AREG: variants seen among roughly 807,000 people sequenced by gnomAD.
AREG encodes amphiregulin.
In AREG, 16 loss-of-function variants were observed where a neutral mutation model predicts 28.0. The observed-to-expected ratio is 0.57, with a 90% confidence interval of 0.39 to 0.87. The LOEUF is 0.87. Among genes scored for constraint, AREG ranks in the 40% least tolerant of loss-of-function variants. AREG has a pLI of 0.00. For synonymous variants in AREG, 113 were observed against 113.5 expected (o/e 1.00, Z 0.02); for missense variants, 287 against 309.1 (o/e 0.93, Z 0.53).
chr4:74,452,534 T>TTC lies in AREG; in HGVS notation c.666-6_666-5dup. 6.2e-7 allele frequency: 1 copy of TTC among 1,613,396 alleles called. No individual in the cohort carries two copies. Among genetic ancestry groups the TTC allele is most frequent in the Non-Finnish European group, 8.5e-7 (1 of 1,179,612 alleles). On this transcript the variant is annotated splice_polypyrimidine_tract_variant and intron_variant, in intron 4 of 5. Coordinates refer to ENST00000395748, the MANE Select transcript of AREG (RefSeq NM_001657.4). ...ACCTTGATAACATTAGAATGCCTTG[T>TTC]TCTCTGAAGGCTTAGAAGACAATAC...
At chr4:74,447,628 A>C (rs1719314734) in intron 2 of AREG, among the ~76,000 whole-genome samples, 2 of 152,196 alleles carry the variant, frequency 1.3e-5, no homozygotes, top group African/African-American at 4.8e-5. Context: ...AAATATCCTA[A>C]GAGCATCCAC....
chr4:74,445,217 A>G lies in AREG; in HGVS notation c.-129A>G. 1 of 1,520,398 alleles carries G rather than the reference A, an allele frequency of 6.6e-7. No individual in the cohort carries two copies. The highest frequency in any genetic ancestry group is 8.9e-7 in the Non-Finnish European group (1 of 1,129,450). The allele number at this position is 1,520,398 out of a possible 1,614,324, so 94.2% of individuals were successfully genotyped here. On this transcript the variant is annotated 5_prime_UTR_variant, in exon 1 of 6. Transcript: ENST00000395748. ...CCGCGCCCGCCGCCCCGAGCTCCCC[A>G]AGCCTTCGAGAGCGGCGCACACTCC...
Position 74,445,304 on chromosome 4 carries a change from G to A in AREG, c.-42G>A. On this transcript the variant is annotated 5_prime_UTR_variant, in exon 1 of 6. Coordinates refer to ENST00000395748, the MANE Select transcript of AREG (RefSeq NM_001657.4). ...GGCGGCAGCTCGTGTCCCAGAGACC[G>A]AGTTGCCCCAGAGACCGAGACGCCG... 4 of 1,599,594 alleles carry A rather than the reference G, an allele frequency of 2.5e-6. No homozygotes were observed. Among genetic ancestry groups the A allele is most frequent in the South Asian group, 1.1e-5 (1 of 88,722 alleles).
At chr4:74,449,909 TC>T (rs1719353817) in intron 3 of AREG, among the ~76,000 whole-genome samples, 3 of 139,950 alleles carry the variant, frequency 2.1e-5, no homozygotes, top group Non-Finnish European at 4.7e-5. Flanking sequence ...CTGCTTGCTC[TC>T]TCTCTCTCTC....
At chr4:74,452,508 A>T (rs925585845) in intron 4 of AREG, 36 bp from the exon 5 acceptor site, 1 of 1,612,480 alleles carries the variant, frequency 6.2e-7, no homozygotes, top group African/African-American at 1.3e-5. Flanking sequence ...AGATGAATAG[A>T]ACCTTGATAA....
In AREG at chr4:74,445,244, G is replaced by A. The variant is rs1719248936; in HGVS notation, c.-102G>A. On this transcript the variant is annotated 5_prime_UTR_variant, in exon 1 of 6. Coordinates refer to ENST00000395748, the MANE Select transcript of AREG (RefSeq NM_001657.4). ...GCCTTCGAGAGCGGCGCACACTCCC[G>A]GTCTCCACTCGCTCTTCCAACACCC... The A allele has an allele frequency of 1.9e-6, 3 of 1,547,840 alleles. No individual in the cohort carries two copies. The highest frequency in any genetic ancestry group is 1.4e-5 in the African/African-American group (1 of 73,208).
chr4:74,448,718 C>A, intron 2 of AREG: 2 of 237,082 alleles, frequency 8.4e-6, no homozygotes, highest in East Asian at 7.7e-5. Flanking sequence ...TGGAAATTAT[C>A]AATTTGATTA....
At chr4:74,447,016 T>G (rs1286295604) in intron 2 of AREG, among the ~76,000 whole-genome samples, 4 of 152,210 alleles carry the variant, frequency 2.6e-5, no homozygotes, top group Non-Finnish European at 5.9e-5. Context: ...ACAATGACTT[T>G]AAGTAGGAAT....
At chr4:74,448,835 A>G (rs1719333710) in intron 2 of AREG, 1 of 613,404 alleles carries the variant, frequency 1.6e-6, no homozygotes. Flanking sequence ...TCCCAACTAT[A>G]ATCATGAGTG....
At position 74,446,739 on chromosome 4, in the gene AREG, C is replaced by G; in HGVS notation, c.267C>G (p.Asn89Lys). Residue 89 changes from asparagine to lysine, a missense_variant, in exon 2 of 6, where the codon AAC (asparagine) becomes AAG (lysine). Transcript: ENST00000395748. ...ADYDYSEEYDNEPQIPGYIVD... is the reference protein window; with the variant it reads ...ADYDYSEEYDKEPQIPGYIVD... ...ATGACTACTCAGAAGAGTATGATAA[C>G]GAACCACAAATACCTGGCTATATTG... 1.2e-6 allele frequency: 2 copies of G among 1,613,930 alleles called. No individual in the cohort carries two copies. The highest frequency in any genetic ancestry group is 1.7e-6 in the Non-Finnish European group (2 of 1,179,874).
chr4:74,449,380 G>A (rs1719344472), intron 3 of AREG, 132 bp downstream of exon 3: 2 of 1,488,106 alleles, frequency 1.3e-6, no homozygotes, highest in Non-Finnish European at 1.8e-6. Context: ...GCACCAGATA[G>A]TAAATATTAT....
intron 5 of AREG, among the ~76,000 whole-genome samples, chr4:74,453,272 A>AGGGCAT (rs1352509348): frequency 5.9e-5 from 9 of 152,196 alleles, no homozygotes; most frequent in Admixed American, 6.5e-5. Context: ...TGATAATGTG[A>AGGGCAT]GGGCATGGAG....
chr4:74,450,336 G>A (rs770904635), intron 3 of AREG, 44 bp from the exon 4 acceptor site: 42 of 1,613,626 alleles, frequency 2.6e-5, no homozygotes, highest in East Asian at 1.3e-4. Flanking sequence ...AAAACACACC[G>A]CACGTTTTTG....
chr4:74,451,999 G>T (rs1268298137), intron 4 of AREG, among the ~76,000 whole-genome samples: 10 of 151,954 alleles, frequency 6.6e-5, no homozygotes, highest in African/African-American at 2.4e-4. Context: ...AATGTTTTGT[G>T]GTGGGTTAAA....
Position 74,450,406 on chromosome 4 carries a change from G to T in AREG, c.539G>T (p.Arg180Leu). ...CKCQQEYFGE[R>L]CGEKSMKTHS... The stretch of plus-strand genomic sequence containing the variant: ...TGTCAGCAAGAATATTTCGGTGAAC[G>T]GTGTGGGGAAAAGTCCATGAAAACT... Residue 180 changes from arginine (R) to leucine (L), a missense_variant, in exon 4 of 6, where the codon CGG becomes CTG. Transcript: ENST00000395748. 1 of 1,613,928 alleles carries T rather than the reference G, an allele frequency of 6.2e-7. No homozygotes were observed.
chr4:74,446,732 A>G lies in AREG; in HGVS notation c.260A>G (p.Tyr87Cys), dbSNP rs1049154985. 6.2e-7 allele frequency: 1 copy of G among 1,613,874 alleles called. No individual in the cohort carries two copies. The highest frequency in any genetic ancestry group is 1.3e-5 in the African/African-American group (1 of 74,930). The change falls in exon 2 of 6, where the codon TAT becomes TGT. Residue 87 changes from tyrosine to cysteine, a missense_variant. Transcript: ENST00000395748. ...GCCGACTATGACTACTCAGAAGAGT[A>G]TGATAACGAACCACAAATACCTGGC... Reference protein sequence around the residue: ...SGADYDYSEEYDNEPQIPGYI... With the variant: ...SGADYDYSEECDNEPQIPGYI...
At chr4:74,451,596 C>T (rs1476480053) in intron 4 of AREG, among the ~76,000 whole-genome samples, 1 of 152,106 alleles carries the variant, frequency 6.6e-6, no homozygotes, top group Admixed American at 6.5e-5. Context: ...ATTTATTTTG[C>T]ACACACTAGA....
chr4:74,448,866 A>G, intron 2 of AREG, 181 bp from the exon 3 acceptor site: 6 of 905,766 alleles, frequency 6.6e-6, no homozygotes, highest in Non-Finnish European at 9.5e-6. Context: ...TCAGGTAGAA[A>G]AAACTGAAAA....
chr4:74,447,301 G>A (rs933102279), intron 2 of AREG, among the ~76,000 whole-genome samples: 4 of 152,154 alleles, frequency 2.6e-5, no homozygotes, highest in African/African-American at 7.2e-5. Flanking sequence ...ACAAATAAGG[G>A]GACAAGGAAG....
Sources: gnomAD v4.1 joint callset for allele counts (sites outside exome capture counted in the v4.1 genomes callset) on GRCh38, gnomAD v4.1.1 for gene constraint, MANE v1.5 for transcripts, NCBI Gene and HGNC (gene_info 2026-07-23, HGNC 2026-07-21) for gene names.